Variants in CHST6 observed in about 807,000 individuals in gnomAD.
CHST6 encodes the protein N-acetylglucosamine 6-O-sulfotransferase 5.
For missense variants in CHST6, 698 were observed against 586.2 expected (o/e 1.19, Z -1.97); for synonymous variants, 309 against 276.4 (o/e 1.12, Z -1.17).
intron 1 of CHST6, among the ~76,000 whole-genome samples, chr16:75,485,426 C>T (rs2080185379): frequency 6.6e-6 from 1 of 152,176 alleles, no homozygotes; most frequent in African/African-American, 2.4e-5. Flanking sequence ...TATCATTCTA[C>T]TGCTCACCAG....
Position 75,479,374 on chromosome 16 carries a change from A to T in CHST6, c.455T>A (p.Leu152Gln), listed in dbSNP as rs142954809. The part of the protein sequence containing the change: ...AISSEAVCKP[L>Q]CARQSFTLAR... ...CAGGGTGAAGGACTGCCGCGCGCAC[A>T]GTGGCTTGCACACGGCCTCGCTGCT... The change falls in exon 3 of 3, where the codon CTG becomes CAG. Residue 152 changes from leucine to glutamine, a missense_variant. Leu to Gln is a moderately radical substitution (Grantham distance 113, BLOSUM62 -2). Transcript: ENST00000332272. 6.2e-7 allele frequency: 1 copy of T among 1,612,724 alleles called. No homozygotes were observed. The highest frequency in any genetic ancestry group is 8.5e-7 in the Non-Finnish European group (1 of 1,179,776).
chr16:75,480,762 C>G (rs1158178937), intron 2 of CHST6, among the ~76,000 whole-genome samples: 3 of 151,208 alleles, frequency 2.0e-5, no homozygotes, highest in Non-Finnish European at 4.4e-5. Context: ...AACATCATGT[C>G]TACTAAGTAT....
Position 75,495,023 on chromosome 16 carries a change from G to C in CHST6, c.-175C>G, listed in dbSNP as rs1299989434. ...CTGGACTCAGCAAAGGCTCCCAAAC[G>C]TCGTCTCTTCCAAATTCCACCGCAC... On this transcript the variant is annotated 5_prime_UTR_variant, in exon 1 of 3. Coordinates refer to ENST00000332272, the MANE Select transcript of CHST6 (RefSeq NM_021615.5). 1 of 152,556 alleles carries C rather than the reference G, an allele frequency of 6.6e-6. No homozygotes were observed. The highest frequency in any genetic ancestry group is 6.5e-5 in the Admixed American group (1 of 15,280). 9.5% of individuals were successfully genotyped at this position (152,556 alleles called of 1,614,324 possible).
intron 1 of CHST6, among the ~76,000 whole-genome samples, chr16:75,487,325 T>C (rs2080209094): frequency 1.3e-5 from 2 of 152,266 alleles, no homozygotes; most frequent in East Asian, 3.9e-4. Context: ...GAGTCCTGGC[T>C]CTCTGGGCAG....
At chr16:75,485,874 G>T (rs1015304735) in intron 1 of CHST6, among the ~76,000 whole-genome samples, 1 of 152,150 alleles carries the variant, frequency 6.6e-6, no homozygotes, top group Admixed American at 6.5e-5. Flanking sequence ...GGTCATGCTG[G>T]TCCTGGCTGC....
chr16:75,487,468 A>C (rs1180223400), intron 1 of CHST6, among the ~76,000 whole-genome samples: 3 of 151,666 alleles, frequency 2.0e-5, no homozygotes, highest in East Asian at 1.9e-4. Context: ...AGTTTGGGAC[A>C]AGCCTGACCA....
rs1597468602 is a variant in CHST6, at chr16:75,475,871, A to C, written c.*2770T>G. 1 of 152,186 alleles carries C rather than the reference A, an allele frequency of 6.6e-6. No homozygotes were observed. The highest frequency in any genetic ancestry group is 2.4e-5 in the African/African-American group (1 of 41,432). 9.4% of individuals were successfully genotyped at this position (152,186 alleles called of 1,614,324 possible). A position where few individuals can be genotyped will look rare whatever the true frequency, so the allele number is the denominator to read the frequency against. ...GGCATGCTGGCTGGGCATGAGATGG[A>C]GTCTTGCTCTGTCATCCAGGCTGGA... On this transcript the variant is annotated 3_prime_UTR_variant, in exon 3 of 3. Transcript: ENST00000332272.
chr16:75,478,836 C>A lies in CHST6; in HGVS notation c.993G>T (p.Gln331His), dbSNP rs140699573. 3,744 of 1,613,470 alleles carry A rather than the reference C, an allele frequency of 2.3e-3. 65 individuals carry two copies. In the South Asian group the frequency reaches 0.026, roughly 11 times the overall value. ...CAAAGGGCAGCGCATGGCGCCAGGCCTGGGAGACGTTGAGCGCATTCCTGG... is the reference window on the plus strand; with the variant it reads ...CAAAGGGCAGCGCATGGCGCCAGGCATGGGAGACGTTGAGCGCATTCCTGG... The part of the protein sequence containing the change: ...TSSRNALNVS[Q>H]AWRHALPFAK... The change falls in exon 3 of 3, where the codon CAG (glutamine) becomes CAT (histidine). Residue 331 changes from glutamine (Q) to histidine (H), a missense_variant. Transcript: ENST00000332272.
At position 75,478,706 on chromosome 16, in the gene CHST6, C is replaced by T. The variant is rs368815153; in HGVS notation, c.1123G>A (p.Val375Met). 4.3e-6 allele frequency: 7 copies of T among 1,613,688 alleles called. No homozygotes were observed. The South Asian group carries it at 7.7e-5, about 18-fold the overall frequency. ...AAGCCGTTCAGGCCTCGTGGCAGCA[C>T]CAGATCAAGGGCGAGGTTGCGCTGC... is the stretch of plus-strand genomic sequence containing the variant. ...DEQRNLALDLVLPRGLNGFTW... is the reference protein window; with the variant it reads ...DEQRNLALDLMLPRGLNGFTW... Residue 375 changes from valine (V) to methionine (M), a missense_variant, in exon 3 of 3, where the codon GTG (valine) becomes ATG (methionine). By Grantham distance (21) the Val-to-Met change is conservative (BLOSUM62 1). Coordinates refer to ENST00000332272, the MANE Select transcript of CHST6 (RefSeq NM_021615.5).
At chr16:75,482,014 T>G in intron 1 of CHST6, 123 bp from the exon 2 acceptor site, 1 of 316,238 alleles carries the variant, frequency 3.2e-6, no homozygotes, top group South Asian at 2.1e-5. Context: ...TTTAACCTCT[T>G]AGGGCTGTGA....
Position 75,492,708 on chromosome 16 carries a change from G to C in CHST6, c.-92+2232C>G, listed in dbSNP as rs780370196. ...TTACTAAATACACAAAAAGTAGCCA[G>C]GTGTGGTGGCACGTGCTTGTAATCC... On this transcript the variant is annotated intron_variant, in intron 1 of 2. Coordinates refer to ENST00000332272, the MANE Select transcript of CHST6 (RefSeq NM_021615.5). Among the ~76,000 whole-genome samples, 9 of 152,102 alleles carry C rather than the reference G, an allele frequency of 5.9e-5. No homozygotes were observed. In the East Asian group the frequency reaches 1.7e-3, roughly 29 times the overall value.
chr16:75,481,520 C>T (rs1409052736), intron 2 of CHST6, among the ~76,000 whole-genome samples: 4 of 151,844 alleles, frequency 2.6e-5, no homozygotes, highest in African/African-American at 7.3e-5. Context: ...CGCTTGAACC[C>T]GGGAGGCAGA....
chr16:75,478,306 A>T lies in CHST6; in HGVS notation c.*335T>A. 1 of 395,804 alleles carries T rather than the reference A, an allele frequency of 2.5e-6. No homozygotes were observed. Among genetic ancestry groups the T allele is most frequent in the Admixed American group, 3.8e-5 (1 of 26,318 alleles). The allele number at this position is 395,804 out of a possible 1,614,324, so 24.5% of individuals were successfully genotyped here. A position where few individuals can be genotyped will look rare whatever the true frequency, so the allele number is the denominator to read the frequency against. ...GCCAGGGCACCCCCTCAGCTGCTGC[A>T]GGATGTGTCACCAGAAGGAGAGAGT... On this transcript the variant is annotated 3_prime_UTR_variant, in exon 3 of 3. Coordinates refer to ENST00000332272, the MANE Select transcript of CHST6 (RefSeq NM_021615.5).
chr16:75,480,878 C>T (rs1239681566), intron 2 of CHST6, among the ~76,000 whole-genome samples: 22 of 140,022 alleles, frequency 1.6e-4, no homozygotes, highest in Non-Finnish European at 2.7e-4. Flanking sequence ...TGTAGTGAGA[C>T]GAGATCGCGC....
At chr16:75,493,230 G>C (rs1449623008) in intron 1 of CHST6, among the ~76,000 whole-genome samples, 1 of 152,078 alleles carries the variant, frequency 6.6e-6, no homozygotes, top group Non-Finnish European at 1.5e-5. Context: ...AATCTGGAAG[G>C]TCAGGTGCGG....
chr16:75,474,735 C>T lies in CHST6; in HGVS notation c.*3906G>A. 1 of 398,582 alleles carries T rather than the reference C, an allele frequency of 2.5e-6. No homozygotes were observed. The highest frequency in any genetic ancestry group is 3.6e-5 in the East Asian group (1 of 28,080). 24.7% of individuals were successfully genotyped at this position (398,582 alleles called of 1,614,324 possible). On this transcript the variant is annotated 3_prime_UTR_variant, in exon 3 of 3. Coordinates refer to ENST00000332272, the MANE Select transcript of CHST6 (RefSeq NM_021615.5). ...GGGCAAAGTGAGGGCGAGAGAAAGA[C>T]AAAGAATGAACTCCTTCATTTAAAA...
chr16:75,489,910 C>A (rs188787909), intron 1 of CHST6, among the ~76,000 whole-genome samples: 22 of 152,146 alleles, frequency 1.4e-4, no homozygotes, highest in Admixed American at 1.2e-3. Flanking sequence ...GGCGCAGTGG[C>A]CCATGCCTGT....
rs1230935753 is a variant in CHST6 at position 75,472,493 on chromosome 16, A to G, written c.*6148T>C. 1 of 152,254 alleles carries G rather than the reference A, an allele frequency of 6.6e-6. No homozygotes were observed. The highest frequency in any genetic ancestry group is 2.4e-5 in the African/African-American group (1 of 41,468). 9.4% of individuals were successfully genotyped at this position (152,254 alleles called of 1,614,324 possible). Reference sequence around the variant, plus strand: ...ATACAGTTGAGTCATAAGCATGAAAAGATGTTCAGCTGCCCCAGGAATTAA... The same window carrying G: ...ATACAGTTGAGTCATAAGCATGAAAGGATGTTCAGCTGCCCCAGGAATTAA... On this transcript the variant is annotated 3_prime_UTR_variant, in exon 3 of 3. Coordinates refer to ENST00000332272, the MANE Select transcript of CHST6 (RefSeq NM_021615.5).
In CHST6 at chr16:75,479,117, C is replaced by G; in HGVS notation, c.712G>C (p.Gly238Arg). 1 of 1,605,336 alleles carries G rather than the reference C, an allele frequency of 6.2e-7. No individual in the cohort carries two copies. The highest frequency in any genetic ancestry group is 8.5e-7 in the Non-Finnish European group (1 of 1,178,700). The change falls in exon 3 of 3, where the codon GGC becomes CGC. Residue 238 changes from glycine (G) to arginine (R), a missense_variant. Physicochemically the swap from Gly to Arg is moderately radical, Grantham distance 125. Coordinates refer to ENST00000332272, the MANE Select transcript of CHST6 (RefSeq NM_021615.5). ...TNGTWVEADP[G>R]LRVVREVCRS... ...CACACCTCGCGCACCACGCGCAGGC[C>G]GGGGTCGGCCTCCACCCACGTGCCG...
Sources: allele counts gnomAD v4.1 joint callset (sites outside exome capture counted in the v4.1 genomes callset), GRCh38; gene constraint gnomAD v4.1.1; transcripts MANE v1.5; gene names NCBI Gene and HGNC (gene_info 2026-07-23, HGNC 2026-07-21).